LCOR: variants seen among roughly 807,000 people sequenced by gnomAD.
LCOR encodes the protein ligand dependent nuclear receptor corepressor.
Under a neutral mutation model 64.4 loss-of-function variants are expected in LCOR, and 14 were observed. The observed-to-expected ratio is 0.22, with a 90% CI of 0.14 to 0.34. LCOR has a LOEUF of 0.34. LCOR is among the 10% of genes least tolerant of loss of function. The pLI is 1.00. For synonymous variants in LCOR, 643 were observed against 642.5 expected (o/e 1.00, Z -0.01); for missense variants, 1,686 against 1,765.3 (o/e 0.96, Z 0.80).
At chr10:96,896,095 GA>G (rs1221934929) in intron 2 of LCOR, among the ~76,000 whole-genome samples, 1 of 150,926 alleles carries the variant, frequency 6.6e-6, no homozygotes, top group Admixed American at 6.6e-5. Flanking sequence ...AAACTAAAAA[GA>G]AAAAAAAATC....
rs373394335 is a variant in LCOR at position 96,833,918 on chromosome 10, GA to G, written c.-330+440del. 1.3e-4 allele frequency among the ~76,000 whole-genome samples: 20 copies of G among 152,262 alleles called. No individual in the cohort carries two copies. The South Asian group carries it at 4.1e-3, about 32-fold the overall frequency. ...GACATATCTGTTGGGGGGAAGGGTG[GA>G]GGGGGTGTGGAGAGGCTCAGTTTGG... is the stretch of plus-strand genomic sequence containing the variant. On this transcript the variant is annotated intron_variant, in intron 2 of 7. Transcript: ENST00000421806.
intron 2 of LCOR, among the ~76,000 whole-genome samples, chr10:96,896,072 ACT>A (rs1846532008): frequency 2.0e-5 from 3 of 151,846 alleles, no homozygotes; most frequent in African/African-American, 4.8e-5. Flanking sequence ...ACAGAAAGAG[ACT>A]CTGTCTCTAA....
chr10:96,940,302 G>GTT (rs1847428449), intron 4 of LCOR, among the ~76,000 whole-genome samples: 1 of 98,006 alleles, frequency 1.0e-5, no homozygotes, highest in African/African-American at 4.0e-5. Context: ...AGGTGGTCAT[G>GTT]ATTTTTTTTT....
chr10:96,864,637 A>G (rs1190460756), intron 2 of LCOR, among the ~76,000 whole-genome samples: 8 of 152,222 alleles, frequency 5.3e-5, no homozygotes, highest in Non-Finnish European at 1.2e-4. Flanking sequence ...TGCACCTCAT[A>G]ACAATGTTTC....
chr10:96,956,658 T>G (rs546067584), intron 7 of LCOR: 54 of 985,922 alleles, frequency 5.5e-5, no homozygotes, highest in Non-Finnish European at 6.5e-5. Flanking sequence ...TTGCTGTAAT[T>G]TCATTTGAGA....
chr10:96,989,941 G>T lies in LCOR; in HGVS notation c.*4807G>T, dbSNP rs192846881. 1.3e-5 allele frequency: 2 copies of T among 151,374 alleles called. No individual in the cohort carries two copies. The highest frequency in any genetic ancestry group is 2.9e-5 in the Non-Finnish European group (2 of 67,874). The allele number at this position is 151,374 out of a possible 1,614,324, so 9.4% of individuals were successfully genotyped here. On this transcript the variant is annotated 3_prime_UTR_variant, in exon 8 of 8. Transcript: ENST00000421806. ...AATCACTGATCGTTTTAGTTGTTTT[G>T]AAACAATTATCATTTTGAATTCTTA...
At position 96,981,566 on chromosome 10, in the gene LCOR, C is replaced by G. The variant is rs774067529; in HGVS notation, c.1106C>G (p.Thr369Ser). 6.2e-7 allele frequency: 1 copy of G among 1,614,224 alleles called. No homozygotes were observed. Among genetic ancestry groups the G allele is most frequent in the Non-Finnish European group, 8.5e-7 (1 of 1,180,036 alleles). The change falls in exon 8 of 8, where the codon ACT becomes AGT. Residue 369 changes from threonine (T) to serine (S), a missense_variant. Thr to Ser is a moderately conservative substitution (Grantham distance 58). This residue lies in a region of LCOR where 313 missense variants were observed against 247.2 expected (regional missense o/e 1.27). Coordinates refer to ENST00000421806, the MANE Select transcript of LCOR (RefSeq NM_001346516.2). The part of the protein sequence containing the change: ...NSSRTADKEN[T>S]LQCPKTPLRQ... ...TCTAGAACTGCTGACAAAGAGAATA[C>G]TTTACAGTGTCCAAAAACACCTTTG...
At chr10:96,840,413 A>G (rs1382088129) in intron 2 of LCOR, among the ~76,000 whole-genome samples, 2 of 152,220 alleles carry the variant, frequency 1.3e-5, no homozygotes, top group Non-Finnish European at 1.5e-5. Context: ...TGAAGTTCTT[A>G]TAATTGAGGG....
chr10:96,845,845 T>G (rs1227930589), intron 2 of LCOR, among the ~76,000 whole-genome samples: 1 of 152,078 alleles, frequency 6.6e-6, no homozygotes, highest in African/African-American at 2.4e-5. Context: ...TGGTCATTGT[T>G]ACTGAGAAAA....
intron 2 of LCOR, among the ~76,000 whole-genome samples, chr10:96,881,314 T>G (rs1346826836): frequency 2.0e-5 from 3 of 152,198 alleles, no homozygotes. Flanking sequence ...ATGTCAAGTT[T>G]TAGAATACAG....
intron 2 of LCOR, among the ~76,000 whole-genome samples, chr10:96,861,187 AC>A (rs1204831168): frequency 6.6e-6 from 1 of 152,154 alleles, no homozygotes; most frequent in Non-Finnish European, 1.5e-5. Flanking sequence ...TTTTTGAGGA[AC>A]CTAAGACTAC....
At chr10:96,833,024 C>T (rs1210084636) in intron 1 of LCOR, 17 of 985,548 alleles carry the variant, frequency 1.7e-5, no homozygotes, top group Non-Finnish European at 1.8e-5. Context: ...TGCGCCTGAC[C>T]GAGCCAAGTG....
chr10:96,839,905 C>G (rs1168756214), intron 2 of LCOR, among the ~76,000 whole-genome samples: 4 of 152,218 alleles, frequency 2.6e-5, no homozygotes, highest in Non-Finnish European at 5.9e-5. Context: ...CCAGGCTGGT[C>G]TCAAACTCCT....
chr10:96,862,794 T>C (rs1311886064), intron 2 of LCOR, among the ~76,000 whole-genome samples: 1 of 152,142 alleles, frequency 6.6e-6, no homozygotes, highest in Admixed American at 6.5e-5. Flanking sequence ...ATTTTAGGAG[T>C]TAAAGAGGGT....
At chr10:96,909,799 AAGAG>A (rs1353544254) in intron 4 of LCOR, among the ~76,000 whole-genome samples, 1 of 152,330 alleles carries the variant, frequency 6.6e-6, no homozygotes, top group East Asian at 1.9e-4. Context: ...TGGCTCCAAA[AAGAG>A]AGACTAGAAA....
intron 7 of LCOR, chr10:96,957,500 G>A: frequency 2.0e-6 from 2 of 985,334 alleles, no homozygotes; most frequent in Non-Finnish European, 2.4e-6. Context: ...CACATGTACT[G>A]TATATTCTAA....
intron 2 of LCOR, among the ~76,000 whole-genome samples, chr10:96,844,450 A>C (rs1359920248): frequency 6.6e-6 from 1 of 151,886 alleles, no homozygotes; most frequent in African/African-American, 2.4e-5. Context: ...CTGATTGCTT[A>C]TGTGCTTTAT....
intron 4 of LCOR, among the ~76,000 whole-genome samples, chr10:96,929,665 C>G (rs1249905344): frequency 6.6e-6 from 1 of 152,214 alleles, no homozygotes; most frequent in Non-Finnish European, 1.5e-5. Flanking sequence ...TCCTTTACAT[C>G]CACAAGTTGG....
intron 7 of LCOR, 70 bp downstream of exon 7, chr10:96,952,266 CCTTTTACATTTTAAAAAATAACCCTT>C: frequency 2.0e-6 from 2 of 1,025,286 alleles, no homozygotes; most frequent in East Asian, 2.4e-5. Context: ...TGCCAGTCTC[CCTTTTACATTTTAAAAAATAACCCTT>C]CTAAGTAAGT....
Sources: gnomAD v4.1 joint callset for allele counts (sites outside exome capture counted in the v4.1 genomes callset) on GRCh38, gnomAD v4.1.1 for gene constraint, gnomAD v4.1.1 regional missense constraint, MANE v1.5 for transcripts, NCBI Gene and HGNC (gene_info 2026-07-23, HGNC 2026-07-21) for gene names.